SNTG1: variants seen among roughly 807,000 people sequenced by gnomAD.
SNTG1 encodes syntrophin gamma 1.
Under a neutral mutation model 74.7 loss-of-function variants are expected in SNTG1, and 39 were observed. The ratio of observed to expected loss-of-function variants is 0.52; its 90% CI spans 0.40 to 0.68. The LOEUF (loss-of-function observed/expected upper bound fraction) is 0.68, where lower values mean the gene tolerates loss of function less well. Among genes scored for constraint, SNTG1 ranks in the 30% least tolerant of loss-of-function variants. SNTG1 has a pLI of 0.00. For synonymous variants in SNTG1, 254 were observed against 217.1 expected (o/e 1.17, Z -1.49); for missense variants, 685 against 609.5 (o/e 1.12, Z -1.30).
intron 2 of SNTG1, among the ~76,000 whole-genome samples, chr8:50,188,212 G>T (rs889056762): frequency 6.6e-5 from 10 of 152,094 alleles, no homozygotes; most frequent in Non-Finnish European, 1.5e-4. Context: ...TCCTTCCCTA[G>T]ACTTCCTTGC....
At chr8:49,996,518 A>G (rs1814234987) in intron 1 of SNTG1, among the ~76,000 whole-genome samples, 2 of 152,114 alleles carry the variant, frequency 1.3e-5, no homozygotes, top group Non-Finnish European at 1.5e-5. Context: ...ATATTTTGTC[A>G]CCATAAAGCT....
At chr8:50,440,130 G>A (rs2093344965) in intron 5 of SNTG1, among the ~76,000 whole-genome samples, 1 of 151,406 alleles carries the variant, frequency 6.6e-6, no homozygotes, top group South Asian at 2.1e-4. Context: ...AATTAAATAA[G>A]TATGAATTTT....
intron 1 of SNTG1, among the ~76,000 whole-genome samples, chr8:50,005,394 C>T (rs1037210884): frequency 1.1e-4 from 17 of 151,490 alleles, no homozygotes; most frequent in African/African-American, 3.9e-4. Context: ...CCAAAAATTT[C>T]CTTTTATGTT....
intron 3 of SNTG1, among the ~76,000 whole-genome samples, chr8:50,401,040 A>T (rs2092798261): frequency 6.6e-6 from 1 of 152,196 alleles, no homozygotes; most frequent in African/African-American, 2.4e-5. Flanking sequence ...ATATACATAC[A>T]TCAAAACCTC....
At chr8:50,502,209 G>C (rs1036831381) in intron 8 of SNTG1, among the ~76,000 whole-genome samples, 1 of 152,150 alleles carries the variant, frequency 6.6e-6, no homozygotes, top group African/African-American at 2.4e-5. Context: ...AAAATATTAA[G>C]TAGAATATGT....
chr8:50,364,409 T>C (rs1484105945), intron 2 of SNTG1, among the ~76,000 whole-genome samples: 2 of 152,202 alleles, frequency 1.3e-5, no homozygotes, highest in Non-Finnish European at 2.9e-5. Flanking sequence ...CGGATTTCTA[T>C]GACATCGTAA....
intron 2 of SNTG1, among the ~76,000 whole-genome samples, chr8:50,371,234 T>C (rs2092261978): frequency 6.6e-6 from 1 of 152,216 alleles, no homozygotes; most frequent in Non-Finnish European, 1.5e-5. Flanking sequence ...TGGCGTGAGC[T>C]GCCCATCATT....
At chr8:50,440,742 A>G (rs2093350650) in intron 5 of SNTG1, among the ~76,000 whole-genome samples, 2 of 152,184 alleles carry the variant, frequency 1.3e-5, no homozygotes, top group Admixed American at 1.3e-4. Flanking sequence ...ATTAATTAAA[A>G]CCTTTATGGT....
chr8:50,558,220 G>A (rs1026742489), intron 12 of SNTG1, among the ~76,000 whole-genome samples: 3 of 152,148 alleles, frequency 2.0e-5, no homozygotes, highest in Non-Finnish European at 2.9e-5. Context: ...CAGCTGGCCC[G>A]GCTGCCCCAG....
chr8:50,115,958 A>T (rs1255561557), intron 1 of SNTG1, among the ~76,000 whole-genome samples: 1 of 152,100 alleles, frequency 6.6e-6, no homozygotes, highest in Non-Finnish European at 1.5e-5. Context: ...AGGTCATGTC[A>T]GGTTTGCCAC....
At chr8:49,994,181 T>C (rs1419843332) in intron 1 of SNTG1, among the ~76,000 whole-genome samples, 1 of 151,984 alleles carries the variant, frequency 6.6e-6, no homozygotes, top group Non-Finnish European at 1.5e-5. Context: ...AATTGAGACA[T>C]GAAAAAATAA....
intron 1 of SNTG1, among the ~76,000 whole-genome samples, chr8:50,138,237 G>A (rs1014466964): frequency 6.6e-6 from 1 of 151,848 alleles, no homozygotes; most frequent in Admixed American, 6.6e-5. Flanking sequence ...CACGGATGAC[G>A]AAAGCACTGA....
At chr8:50,538,175 C>A (rs1236048240) in intron 11 of SNTG1, among the ~76,000 whole-genome samples, 1 of 152,086 alleles carries the variant, frequency 6.6e-6, no homozygotes, top group African/African-American at 2.4e-5. Context: ...AGAAATGTTG[C>A]TTCCATTAAG....
rs373367490 is a variant in SNTG1, at chr8:50,475,273, GA to G, written c.363+24552del. On this transcript the variant is annotated intron_variant, in intron 8 of 18. Coordinates refer to ENST00000642720, the MANE Select transcript of SNTG1 (RefSeq NM_018967.5). The stretch of plus-strand genomic sequence containing the variant: ...AAAAGAGCATGCAGTGGCAAAAAAA[GA>G]AAAAAAATGGTTAAGATGGAACATT... Among the ~76,000 whole-genome samples, 428 of 150,778 alleles carry G rather than the reference GA, an allele frequency of 2.8e-3. 3 individuals carry two copies. The highest frequency in any genetic ancestry group is 9.9e-3 in the African/African-American group (408 of 41,232).
intron 1 of SNTG1, among the ~76,000 whole-genome samples, chr8:49,979,607 G>T (rs1812497193): frequency 6.6e-6 from 1 of 152,120 alleles, no homozygotes; most frequent in Non-Finnish European, 1.5e-5. Context: ...TCTGACTGGG[G>T]ACTTCTCACA....
At chr8:50,225,767 A>G (rs563465144) in intron 2 of SNTG1, among the ~76,000 whole-genome samples, 2 of 152,242 alleles carry the variant, frequency 1.3e-5, no homozygotes, top group African/African-American at 4.8e-5. Flanking sequence ...GTAACACATT[A>G]GACACTTGCC....
At chr8:50,350,178 C>T (rs193234564) in intron 2 of SNTG1, among the ~76,000 whole-genome samples, 260 of 152,244 alleles carry the variant, frequency 1.7e-3, no homozygotes, top group Non-Finnish European at 3.1e-3. Context: ...ACCTGCAGCC[C>T]GCCATGCCTG....
intron 4 of SNTG1, among the ~76,000 whole-genome samples, chr8:50,434,096 G>A (rs1410025509): frequency 7.1e-6 from 1 of 141,712 alleles, no homozygotes; most frequent in Non-Finnish European, 1.5e-5. Context: ...GTGTCCAAGT[G>A]TTCTCATTGT....
intron 1 of SNTG1, among the ~76,000 whole-genome samples, chr8:49,982,188 A>G (rs1190403613): frequency 6.6e-6 from 1 of 152,172 alleles, no homozygotes; most frequent in African/African-American, 2.4e-5. Context: ...AGAATTACTC[A>G]GTGAGTATGT....
Sources: allele counts gnomAD v4.1 joint callset (sites outside exome capture counted in the v4.1 genomes callset), GRCh38; gene constraint gnomAD v4.1.1; transcripts MANE v1.5; gene names NCBI Gene and HGNC (gene_info 2026-07-23, HGNC 2026-07-21).